Variants in GTF2A1L observed in about 807,000 individuals in gnomAD.
GTF2A1L encodes general transcription factor IIA subunit 1 like.
A neutral mutation model predicts 49.7 loss-of-function variants in GTF2A1L; 48 were observed. The observed-to-expected ratio is 0.97, with a 90% confidence interval of 0.77 to 1.23. The LOEUF (loss-of-function observed/expected upper bound fraction) is 1.23, where lower values mean the gene tolerates loss of function less well. Among genes scored for constraint, GTF2A1L ranks in the 50% most tolerant of loss-of-function variants. The pLI is 0.00. For missense variants in GTF2A1L, 736 were observed against 564.8 expected, an observed-to-expected ratio of 1.30 and a Z score of -3.07; for synonymous variants, 246 against 193.5, an observed-to-expected ratio of 1.27 and a Z score of -2.25.
chr2:48,660,093 A>G (rs1267965984), intron 6 of GTF2A1L, among the ~76,000 whole-genome samples: 1 of 22,826 alleles, frequency 4.4e-5, no homozygotes, highest in Non-Finnish European at 8.6e-5. Context: ...ATTCAGTATG[A>G]TTTTTTTTTT....
At chr2:48,669,356 A>T (rs1261479256) in intron 6 of GTF2A1L, among the ~76,000 whole-genome samples, 2 of 152,174 alleles carry the variant, frequency 1.3e-5, no homozygotes, top group Non-Finnish European at 2.9e-5. Context: ...GCACAATGAC[A>T]TTTGTCTTTT....
chr2:48,658,618 G>T lies in GTF2A1L; in HGVS notation c.979-11104G>T, dbSNP rs141689088. Among the ~76,000 whole-genome samples the T allele has an allele frequency of 1.4e-4, 21 of 152,094 alleles. No individual in the cohort carries two copies. In the East Asian group the frequency reaches 3.5e-3, roughly 25 times the overall value. ...TTGGTTCCACATTAATTTTAGAATG[G>T]TCTAGGGATTTTTTTTGGCTGGTAA... On this transcript the variant is annotated intron_variant, in intron 6 of 8. Coordinates refer to ENST00000403751, the MANE Select transcript of GTF2A1L (RefSeq NM_006872.5).
intron 6 of GTF2A1L, among the ~76,000 whole-genome samples, chr2:48,666,211 C>CT (rs112657393): frequency 1.7e-3 from 251 of 143,750 alleles, no homozygotes; most frequent in African/African-American, 4.6e-3. Context: ...TTCTTTCTTT[C>CT]TTTTTTTTTT....
chr2:48,660,031 A>G (rs1178197660), intron 6 of GTF2A1L, among the ~76,000 whole-genome samples: 1 of 152,072 alleles, frequency 6.6e-6, no homozygotes, highest in African/African-American at 2.4e-5. Context: ...AGAAGTGGTG[A>G]AAGTAGTTGT....
rs190358706 is a variant in GTF2A1L, at chr2:48,624,513, A to T, written c.247+3223A>T. Among the ~76,000 whole-genome samples, 95 of 144,258 alleles carry T rather than the reference A, an allele frequency of 6.6e-4. 8 individuals carry two copies. The highest frequency in any genetic ancestry group is 2.2e-3 in the African/African-American group (91 of 40,544). The allele number at this position is 144,258 out of a possible 152,430, so 94.6% of individuals were successfully genotyped here. On this transcript the variant is annotated intron_variant, in intron 3 of 8. Coordinates refer to ENST00000403751, the MANE Select transcript of GTF2A1L (RefSeq NM_006872.5). Reference sequence around the variant, plus strand: ...TGAAGAGGTTGGTATAGTCTAGCAAATTAACATATCTGTCATCTCACATAG... The same window carrying T: ...TGAAGAGGTTGGTATAGTCTAGCAATTTAACATATCTGTCATCTCACATAG...
chr2:48,656,075 T>G (rs1678152416), intron 6 of GTF2A1L, among the ~76,000 whole-genome samples: 1 of 152,238 alleles, frequency 6.6e-6, no homozygotes. Context: ...GTTTATTCAT[T>G]CAAGTGTCTG....
chr2:48,676,810 T>C (rs1312912336), intron 8 of GTF2A1L, among the ~76,000 whole-genome samples: 8 of 150,690 alleles, frequency 5.3e-5, no homozygotes, highest in Non-Finnish European at 7.4e-5. Flanking sequence ...TATATATCTA[T>C]ATATCTATAT....
intron 4 of GTF2A1L, among the ~76,000 whole-genome samples, chr2:48,642,876 TGTG>T (rs35750879): frequency 0.13 from 19,893 of 149,012 alleles, 1,573 homozygotes; most frequent in African/African-American, 0.22. Flanking sequence ...AAAAAAAAGA[TGTG>T]GTAAAGAGTG....
intron 3 of GTF2A1L, 64 bp downstream of exon 3, chr2:48,621,354 T>C (rs773838083): frequency 2.5e-6 from 4 of 1,608,936 alleles, no homozygotes; most frequent in Non-Finnish European, 3.4e-6. Context: ...TTTGGGAATG[T>C]TTTTCAGTTA....
At chr2:48,642,491 C>T (rs933004827) in intron 4 of GTF2A1L, 34 bp downstream of exon 4, 4 of 1,535,510 alleles carry the variant, frequency 2.6e-6, no homozygotes, top group Non-Finnish European at 2.7e-6. Flanking sequence ...TTTTAAAAGA[C>T]ATGTCCCACT....
intron 3 of GTF2A1L, among the ~76,000 whole-genome samples, chr2:48,641,397 G>A (rs1677189756): frequency 6.6e-6 from 1 of 152,136 alleles, no homozygotes; most frequent in South Asian, 2.1e-4. Context: ...AAAAATGTTT[G>A]CTTTTATGAG....
intron 4 of GTF2A1L, among the ~76,000 whole-genome samples, chr2:48,643,911 G>T (rs753111569): frequency 2.3e-4 from 35 of 151,816 alleles, no homozygotes; most frequent in Admixed American, 1.4e-3. Flanking sequence ...GTTGGCCAGG[G>T]TGGTCTCAAA....
intron 3 of GTF2A1L, among the ~76,000 whole-genome samples, chr2:48,639,526 T>A (rs559674316): frequency 6.6e-6 from 1 of 152,264 alleles, no homozygotes; most frequent in African/African-American, 2.4e-5. Flanking sequence ...ACCCCTTTCT[T>A]ACACCACATA....
intron 8 of GTF2A1L, among the ~76,000 whole-genome samples, chr2:48,679,081 A>G (rs575265971): frequency 2.0e-5 from 3 of 151,818 alleles, no homozygotes; most frequent in Admixed American, 6.6e-5. Flanking sequence ...CATATACAGG[A>G]TGTGTGTTTT....
intron 8 of GTF2A1L, among the ~76,000 whole-genome samples, chr2:48,678,697 A>G (rs1679602519): frequency 1.3e-5 from 2 of 152,126 alleles, no homozygotes; most frequent in Admixed American, 6.6e-5. Flanking sequence ...CTTACAGATT[A>G]TAAGCTGTAT....
At chr2:48,676,248 C>G (rs79035943) in intron 8 of GTF2A1L, among the ~76,000 whole-genome samples, 4,246 of 151,782 alleles carry the variant, frequency 0.028, 185 homozygotes, top group African/African-American at 0.096. Flanking sequence ...TACTAAAATT[C>G]ATTTAACCAA....
intron 4 of GTF2A1L, among the ~76,000 whole-genome samples, chr2:48,643,791 C>T (rs910978687): frequency 6.6e-6 from 1 of 150,912 alleles, no homozygotes; most frequent in Admixed American, 6.6e-5. Flanking sequence ...CCTCCGCCTC[C>T]CAGGTTCAAG....
chr2:48,673,180 TTCTTTTTCCGTTTG>T (rs1197728530), intron 8 of GTF2A1L, among the ~76,000 whole-genome samples: 1 of 152,214 alleles, frequency 6.6e-6, no homozygotes, highest in Non-Finnish European at 1.5e-5. Flanking sequence ...ATACCACATT[TTCTTTTTCCGTTTG>T]TCTTTTGAGG....
Position 48,620,890 on chromosome 2 carries a change from G to A in GTF2A1L, c.61G>A (p.Gly21Arg). 1.2e-6 allele frequency: 2 copies of A among 1,602,482 alleles called. No individual in the cohort carries two copies. Among genetic ancestry groups the A allele is most frequent in the South Asian group, 1.1e-5 (1 of 88,876 alleles). Reference protein sequence around the residue: ...YRSVIEDVIEGVRNLFAEEGI... With the variant: ...YRSVIEDVIERVRNLFAEEGI... ...ATCTGTAATTGAAGATGTAATTGAA[G>A]GAGTTCGGAATCTATTTGCTGAAGA... Residue 21 changes from glycine to arginine, a missense_variant, in exon 2 of 9, where the codon GGA becomes AGA. Physicochemically the swap from Gly to Arg is moderately radical, Grantham distance 125 (BLOSUM62 -2). Transcript: ENST00000403751.
Sources: gnomAD v4.1 joint callset for allele counts (sites outside exome capture counted in the v4.1 genomes callset) on GRCh38, gnomAD v4.1.1 for gene constraint, MANE v1.5 for transcripts, NCBI Gene and HGNC (gene_info 2026-07-23, HGNC 2026-07-21) for gene names.